Variants in CCSER1 observed in about 807,000 individuals in gnomAD.
CCSER1 encodes serine-rich coiled-coil domain-containing protein 1.
CCSER1 carries 41 observed loss-of-function variants against 82.0 expected under a neutral mutation model. The ratio of observed to expected loss-of-function variants is 0.50; its 90% CI spans 0.39 to 0.65. CCSER1 has a LOEUF of 0.65. Ranked by LOEUF, CCSER1 falls within the 30% of genes least tolerant of loss-of-function variation. The pLI is 0.00. For synonymous variants in CCSER1, 414 were observed against 383.9 expected (o/e 1.08, Z -0.92); for missense variants, 1,119 against 1,064.2 (o/e 1.05, Z -0.72).
chr4:91,599,299 A>G lies in CCSER1; in HGVS notation c.*242A>G. ...CTTGAAGACTTTACTATATAGGTGT[A>G]TAATAAATGGGACCATCATGATCGT... On this transcript the variant is annotated 3_prime_UTR_variant, in exon 11 of 11. Transcript: ENST00000509176. The G allele has an allele frequency of 2.5e-6, 1 of 397,160 alleles. No homozygotes were observed. Among genetic ancestry groups the G allele is most frequent in the Middle Eastern group, 7.0e-4 (1 of 1,436 alleles). The allele number at this position is 397,160 out of a possible 1,614,324, so 24.6% of individuals were successfully genotyped here.
At chr4:90,158,218 C>A (rs888224008) in intron 1 of CCSER1, among the ~76,000 whole-genome samples, 12 of 152,178 alleles carry the variant, frequency 7.9e-5, no homozygotes, top group Admixed American at 2.0e-4. Flanking sequence ...ATGCTGCTGT[C>A]TGATCGTTCC....
At chr4:91,051,834 A>G (rs894749780) in intron 9 of CCSER1, among the ~76,000 whole-genome samples, 1 of 152,130 alleles carries the variant, frequency 6.6e-6, no homozygotes, top group Non-Finnish European at 1.5e-5. Flanking sequence ...CTCATTGTGT[A>G]CAAATATTCA....
intron 1 of CCSER1, among the ~76,000 whole-genome samples, chr4:90,257,974 C>T (rs559846174): frequency 6.6e-6 from 1 of 152,268 alleles, no homozygotes; most frequent in South Asian, 2.1e-4. Flanking sequence ...CAGACATACC[C>T]TCAATAATGT....
chr4:90,809,522 A>G (rs1207849956), intron 7 of CCSER1, among the ~76,000 whole-genome samples: 1 of 152,216 alleles, frequency 6.6e-6, no homozygotes, highest in African/African-American at 2.4e-5. Context: ...TAGACACTGG[A>G]GACTTAGAAG....
chr4:91,482,740 T>C (rs1231680098), intron 10 of CCSER1, among the ~76,000 whole-genome samples: 8 of 152,314 alleles, frequency 5.3e-5, no homozygotes, highest in Non-Finnish European at 1.0e-4. Flanking sequence ...GTGGCACATA[T>C]ACACCATGGA....
At chr4:91,592,775 T>C (rs1318351342) in intron 10 of CCSER1, among the ~76,000 whole-genome samples, 1 of 152,128 alleles carries the variant, frequency 6.6e-6, no homozygotes, top group South Asian at 2.1e-4. Flanking sequence ...ATTGGGGGAT[T>C]GTTTCAAGTT....
chr4:91,376,482 G>C (rs1750423163), intron 10 of CCSER1, among the ~76,000 whole-genome samples: 1 of 152,028 alleles, frequency 6.6e-6, no homozygotes, highest in South Asian at 2.1e-4. Context: ...TCACATATGT[G>C]GTCTATCATT....
intron 10 of CCSER1, among the ~76,000 whole-genome samples, chr4:91,206,710 A>G (rs1270047786): frequency 6.6e-6 from 1 of 151,824 alleles, no homozygotes; most frequent in African/African-American, 2.4e-5. Context: ...TCTGGTCACA[A>G]TGATACCCCA....
intron 4 of CCSER1, among the ~76,000 whole-genome samples, chr4:90,441,250 C>T (rs1759835791): frequency 6.6e-6 from 1 of 152,076 alleles, no homozygotes; most frequent in Non-Finnish European, 1.5e-5. Context: ...CCAAAGTTGC[C>T]TATATTATTG....
chr4:91,533,424 T>C (rs1412367739), intron 10 of CCSER1, among the ~76,000 whole-genome samples: 1 of 152,138 alleles, frequency 6.6e-6, no homozygotes, highest in African/African-American at 2.4e-5. Context: ...CTGAAAAATG[T>C]TGGAGTTTCT....
chr4:91,068,458 AC>A (rs1271501769), intron 9 of CCSER1, among the ~76,000 whole-genome samples: 1 of 152,188 alleles, frequency 6.6e-6, no homozygotes, highest in Non-Finnish European at 1.5e-5. Flanking sequence ...ATTAATAATG[AC>A]AGAAATAAAC....
intron 1 of CCSER1, among the ~76,000 whole-genome samples, chr4:90,151,740 G>GTTAT (rs1726898309): frequency 6.6e-6 from 1 of 152,004 alleles, no homozygotes; most frequent in South Asian, 2.1e-4. Context: ...CATTTGTTCA[G>GTTAT]TTATTTAAGC....
intron 5 of CCSER1, among the ~76,000 whole-genome samples, chr4:90,544,076 G>T (rs1324291097): frequency 6.6e-6 from 1 of 152,134 alleles, no homozygotes; most frequent in Non-Finnish European, 1.5e-5. Context: ...ATTCCCAGGG[G>T]ACTACCGGAT....
chr4:90,685,038 G>T (rs72661860), intron 6 of CCSER1, among the ~76,000 whole-genome samples: 20,911 of 152,046 alleles, frequency 0.14, 1,899 homozygotes, highest in Middle Eastern at 0.22. Flanking sequence ...TTGAAATTTG[G>T]ACACAATTCC....
intron 10 of CCSER1, among the ~76,000 whole-genome samples, chr4:91,201,733 A>G (rs1735915448): frequency 6.6e-6 from 1 of 152,036 alleles, no homozygotes; most frequent in Non-Finnish European, 1.5e-5. Flanking sequence ...ATATGTATGT[A>G]AGGGGAATGG....
At chr4:91,081,422 A>G (rs1722727665) in intron 9 of CCSER1, among the ~76,000 whole-genome samples, 1 of 152,196 alleles carries the variant, frequency 6.6e-6, no homozygotes, top group Admixed American at 6.5e-5. Flanking sequence ...TCAAAATAAT[A>G]AGAGCTATTT....
chr4:90,861,365 A>C (rs2149985887), intron 8 of CCSER1, among the ~76,000 whole-genome samples: 1 of 151,868 alleles, frequency 6.6e-6, no homozygotes, highest in Non-Finnish European at 1.5e-5. Context: ...TAAATTCCAA[A>C]AGCAATAACA....
At chr4:91,284,796 A>G (rs533927395) in intron 10 of CCSER1, among the ~76,000 whole-genome samples, 1 of 152,246 alleles carries the variant, frequency 6.6e-6, no homozygotes, top group East Asian at 1.9e-4. Flanking sequence ...ATTCAAAGGT[A>G]CAGTCCTGTT....
chr4:91,372,975 C>T (rs1334968482), intron 10 of CCSER1, among the ~76,000 whole-genome samples: 1 of 151,886 alleles, frequency 6.6e-6, no homozygotes, highest in Non-Finnish European at 1.5e-5. Flanking sequence ...TGTGGATCCT[C>T]AGGTAAAATA....
Sources: allele counts gnomAD v4.1 joint callset (sites outside exome capture counted in the v4.1 genomes callset), GRCh38; gene constraint gnomAD v4.1.1; transcripts MANE v1.5; gene names NCBI Gene and HGNC (gene_info 2026-07-23, HGNC 2026-07-21).